STRA6: variants seen among roughly 807,000 people sequenced by gnomAD.
STRA6 encodes receptor for retinol uptake STRA6.
STRA6 carries 48 observed loss-of-function variants against 83.6 expected under a neutral mutation model. The ratio of observed to expected loss-of-function variants is 0.57; its 90% CI spans 0.46 to 0.73. The LOEUF is 0.73. STRA6 is among the 30% of genes least tolerant of loss of function. The pLI is 0.00. For synonymous variants in STRA6, 353 were observed against 362.3 expected (o/e 0.97, Z 0.29); for missense variants, 760 against 838.8 (o/e 0.91, Z 1.16).
chr15:74,210,407 A>T (rs2074350315), upstream of STRA6, among the ~76,000 whole-genome samples: 2 of 152,236 alleles, frequency 1.3e-5, no homozygotes, highest in Admixed American at 6.5e-5. Flanking sequence ...TTGCCAAGTA[A>T]CAGTAACCAA....
intron 8 of STRA6, among the ~76,000 whole-genome samples, chr15:74,193,180 C>T (rs2073636085): frequency 6.6e-6 from 1 of 152,138 alleles, no homozygotes; most frequent in Non-Finnish European, 1.5e-5. Context: ...CTATTAAGGG[C>T]CAAGACCCAC....
chr15:74,195,969 C>G (rs754609437), intron 5 of STRA6, 39 bp downstream of exon 5: 1 of 1,612,866 alleles, frequency 6.2e-7, no homozygotes, highest in Non-Finnish European at 8.5e-7. Context: ...CTACCCCATC[C>G]CATCACACCA....
chr15:74,205,441 T>A (rs1282962482), upstream of STRA6, among the ~76,000 whole-genome samples: 2 of 152,058 alleles, frequency 1.3e-5, no homozygotes, highest in African/African-American at 4.8e-5. Flanking sequence ...GCAGGAGAGA[T>A]GCCAGGCACT....
At chr15:74,181,085 A>G (rs1410065088) in intron 17 of STRA6, 148 bp from the exon 18 acceptor site, 1 of 1,374,354 alleles carries the variant, frequency 7.3e-7, no homozygotes, top group East Asian at 2.4e-5. Flanking sequence ...CATTGGCTGC[A>G]TGGGCACGTG....
chr15:74,191,422 A>T lies in STRA6; in HGVS notation c.788+2T>A. On this transcript the variant is annotated splice_donor_variant, in intron 9 of 18. Coordinates refer to ENST00000395105, the MANE Select transcript of STRA6 (RefSeq NM_022369.4). LOFTEE classifies it high-confidence loss of function. Reference sequence around the variant, plus strand: ...CCACAAAGGGTGTGTCAGAGACCCCACCTGCTTCCCAGCTTCTTCCTGCAA... The same window carrying T: ...CCACAAAGGGTGTGTCAGAGACCCCTCCTGCTTCCCAGCTTCTTCCTGCAA... The T allele has an allele frequency of 6.2e-7, 1 of 1,614,078 alleles. No individual in the cohort carries two copies. The highest frequency in any genetic ancestry group is 2.2e-5 in the East Asian group (1 of 44,866).
rs1417558573 is a variant in STRA6, at chr15:74,191,294, T to G, written c.789-51A>C. 1.9e-6 allele frequency: 3 copies of G among 1,611,470 alleles called. No individual in the cohort carries two copies. In the African/African-American group the frequency reaches 4.0e-5, roughly 22 times the overall value. On this transcript the variant is annotated intron_variant, in intron 9 of 18. Transcript: ENST00000395105. ...GGGTCCTCAGGGGAAGCCCATTCCC[T>G]GAGGGCCAGCCCCAGAGGCTGGTCA...
At position 74,189,201 on chromosome 15, in the gene STRA6, T is replaced by C. The variant is rs2073407559; in HGVS notation, c.1004A>G (p.Tyr335Cys). The C allele has an allele frequency of 2.5e-6, 4 of 1,613,572 alleles. No individual in the cohort carries two copies. Among genetic ancestry groups the C allele is most frequent in the African/African-American group, 1.3e-5 (1 of 75,020 alleles). ...VRAGVTTDVSYLLAGFGIVLS... is the reference protein window; with the variant it reads ...VRAGVTTDVSCLLAGFGIVLS... ...CACGATTCCAAAGCCGGCCAGCAGG[T>C]AGGAGACATCCGTGGTGACCCCTGC... Residue 335 changes from tyrosine to cysteine, a missense_variant, in exon 12 of 19, where the codon TAC (tyrosine) becomes TGC (cysteine). By Grantham distance (194) the Tyr-to-Cys change is radical. Transcript: ENST00000395105.
In STRA6 at chr15:74,180,922, C is replaced by A. The variant is rs767840779; in HGVS notation, c.1700G>T (p.Arg567Leu). 4.3e-6 allele frequency: 7 copies of A among 1,613,784 alleles called. No homozygotes were observed. In the South Asian group the frequency reaches 7.7e-5, roughly 18 times the overall value. Residue 567 changes from arginine (R) to leucine (L), a missense_variant, in exon 18 of 19, where the codon CGA (arginine) becomes CTA (leucine). Coordinates refer to ENST00000395105, the MANE Select transcript of STRA6 (RefSeq NM_022369.4). Reference protein sequence around the residue: ...ATLDPGYYTYRNFLKIEVSQS... With the variant: ...ATLDPGYYTYLNFLKIEVSQS... The stretch of plus-strand genomic sequence containing the variant: ...GCTGACTTCAATCTTCAAGAAGTTT[C>A]GGTACGTGTAGTAGCCTGGGGTGGG...
rs2141990663 is a variant in STRA6, at chr15:74,179,988, G to A, written c.*92C>T. On this transcript the variant is annotated 3_prime_UTR_variant, in exon 19 of 19. Transcript: ENST00000395105. ...AGGACCTGCTGGCTGCATGGCTGGTGTGATGCTGGGAGGAGAGCCGGGGAG... is the reference window on the plus strand; with the variant it reads ...AGGACCTGCTGGCTGCATGGCTGGTATGATGCTGGGAGGAGAGCCGGGGAG... 2.0e-6 allele frequency: 3 copies of A among 1,528,208 alleles called. No individual in the cohort carries two copies. The highest frequency in any genetic ancestry group is 1.8e-6 in the Non-Finnish European group (2 of 1,117,136). 94.7% of individuals were successfully genotyped at this position (1,528,208 alleles called of 1,614,324 possible). A position where few individuals can be genotyped will look rare whatever the true frequency, so the allele number is the denominator to read the frequency against.
intron 14 of STRA6, 114 bp from the exon 15 acceptor site, chr15:74,182,574 C>G (rs865914752): frequency 2.5e-6 from 2 of 806,234 alleles, no homozygotes; most frequent in African/African-American, 1.7e-5. Flanking sequence ...TTTTAGATCT[C>G]TGCTCTGCCA....
intron 12 of STRA6, among the ~76,000 whole-genome samples, chr15:74,185,787 T>G (rs2142011200): frequency 6.6e-6 from 1 of 152,374 alleles, no homozygotes; most frequent in East Asian, 1.9e-4. Context: ...CTGTTCCCAC[T>G]GGGCTGAAGA....
In STRA6 at chr15:74,180,143, G is replaced by C. The variant is rs772455947; in HGVS notation, c.1941C>G (p.His647Gln). The change falls in exon 19 of 19, where the codon CAC (histidine) becomes CAG (glutamine). Residue 647 changes from histidine (H) to glutamine (Q), a missense_variant. Coordinates refer to ENST00000395105, the MANE Select transcript of STRA6 (RefSeq NM_022369.4). ...ARWGLAYTLL[H>Q]NPTLQVFRKT... Reference sequence around the variant, plus strand: ...TGCGGAAGACCTGCAGGGTTGGGTTGTGCAGCAGCGTGTAGGCCAGACCCC... The same window carrying C: ...TGCGGAAGACCTGCAGGGTTGGGTTCTGCAGCAGCGTGTAGGCCAGACCCC... The C allele has an allele frequency of 6.2e-7, 1 of 1,613,876 alleles. No homozygotes were observed. The highest frequency in any genetic ancestry group is 1.3e-5 in the African/African-American group (1 of 75,070).
chr15:74,196,389 CT>C (rs2073825246), intron 4 of STRA6: 2 of 568,976 alleles, frequency 3.5e-6, no homozygotes, highest in South Asian at 2.0e-5. Flanking sequence ...CCTAAGACTG[CT>C]CCTCCGCCCA....
chr15:74,179,924 C>T lies in STRA6; in HGVS notation c.*156G>A. 1.0e-6 allele frequency: 1 copy of T among 995,950 alleles called. No homozygotes were observed. The highest frequency in any genetic ancestry group is 1.5e-6 in the Non-Finnish European group (1 of 671,276). The allele number at this position is 995,950 out of a possible 1,614,324, so 61.7% of individuals were successfully genotyped here. A position where few individuals can be genotyped will look rare whatever the true frequency, so the allele number is the denominator to read the frequency against. ...GTGGAGCAGAGCCCTCCTGAGGCTC[C>T]CAGTGCAGACAGACCTCCACCCAAC... On this transcript the variant is annotated 3_prime_UTR_variant, in exon 19 of 19. Transcript: ENST00000395105.
chr15:74,185,143 TG>T, intron 12 of STRA6, 88 bp from the exon 13 acceptor site: 1 of 1,339,222 alleles, frequency 7.5e-7, no homozygotes, highest in South Asian at 1.2e-5. Context: ...TGGTGCCTTG[TG>T]GGGAGTTCCC....
chr15:74,184,339 A>G (rs1053915802), intron 13 of STRA6, among the ~76,000 whole-genome samples: 4 of 152,228 alleles, frequency 2.6e-5, no homozygotes, highest in Non-Finnish European at 5.9e-5. Context: ...GAATGCCAGA[A>G]GAAGGAGGGG....
At chr15:74,205,241 C>T (rs1033897679), upstream of STRA6, among the ~76,000 whole-genome samples, 5 of 152,076 alleles carry the variant, frequency 3.3e-5, no homozygotes, top group East Asian at 9.6e-4. Flanking sequence ...TCATCTGTTT[C>T]GCATTGCTGT....
chr15:74,193,359 C>T (rs1194896691), intron 8 of STRA6, among the ~76,000 whole-genome samples: 1 of 152,140 alleles, frequency 6.6e-6, no homozygotes, highest in Non-Finnish European at 1.5e-5. Context: ...CCTCTCAGCC[C>T]TCCCCTTTAT....
chr15:74,188,758 C>G lies in STRA6; in HGVS notation c.1090+357G>C, dbSNP rs1280024425. Among the ~76,000 whole-genome samples the G allele has an allele frequency of 6.6e-6, 1 of 152,158 alleles. No individual in the cohort carries two copies. Among genetic ancestry groups the G allele is most frequent in the Non-Finnish European group, 1.5e-5 (1 of 68,032 alleles). On this transcript the variant is annotated intron_variant, in intron 12 of 18. Transcript: ENST00000395105. The surrounding 1 kb of genome is among the most constrained non-coding windows in gnomAD (Gnocchi z 4.5). ...TGCCACGAGGATTCGCTCAGAAATC[C>G]TCACCATCTCCCTTCGCCGTCTCTT...
Sources: gnomAD v4.1 joint callset for allele counts (sites outside exome capture counted in the v4.1 genomes callset) on GRCh38, gnomAD v4.1.1 for gene constraint, Gnocchi (gnomAD v3.1) non-coding constraint, MANE v1.5 for transcripts, NCBI Gene and HGNC (gene_info 2026-07-23, HGNC 2026-07-21) for gene names.